The following USP33 variants were observed in gnomAD, a reference collection of about 807,000 sequenced individuals.
The protein encoded by USP33 is ubiquitin specific peptidase 33, also known as ubiquitin carboxyl-terminal hydrolase 33.
In USP33, 46 loss-of-function variants were observed where a neutral mutation model predicts 124.2. The ratio of observed to expected loss-of-function variants is 0.37; its 90% CI spans 0.29 to 0.47. The LOEUF (loss-of-function observed/expected upper bound fraction) is 0.47, where lower values mean the gene tolerates loss of function less well. USP33 is among the 20% of genes least tolerant of loss of function. The pLI is 0.99. For missense variants in USP33, 851 were observed against 1,070.6 expected, an observed-to-expected ratio of 0.79 and a Z score of 2.86; for synonymous variants, 350 against 352.3, an observed-to-expected ratio of 0.99 and a Z score of 0.07.
intron 16 of USP33, among the ~76,000 whole-genome samples, chr1:77,718,262 T>C (rs2101345902): frequency 6.6e-6 from 1 of 152,326 alleles, no homozygotes; most frequent in South Asian, 2.1e-4. Flanking sequence ...TAAGTATTGA[T>C]CTGCAATTAT....
intron 10 of USP33, among the ~76,000 whole-genome samples, chr1:77,728,031 C>T (rs1441861040): frequency 6.6e-6 from 1 of 152,068 alleles, no homozygotes; most frequent in Non-Finnish European, 1.5e-5. Context: ...TTCTGGGGAG[C>T]CCAATTTTTT....
chr1:77,737,537 T>C (rs1277087180), intron 5 of USP33, among the ~76,000 whole-genome samples: 1 of 152,216 alleles, frequency 6.6e-6, no homozygotes, highest in African/African-American at 2.4e-5. Flanking sequence ...GTAAACTGGA[T>C]TTCAACAGCA....
At chr1:77,711,556 C>G in intron 21 of USP33, 191 bp downstream of exon 21, 1 of 858,278 alleles carries the variant, frequency 1.2e-6, no homozygotes, top group Non-Finnish European at 1.7e-6. Flanking sequence ...CACACACACA[C>G]ACACAAAGGG....
rs1325637428 is a variant in USP33 at position 77,710,059 on chromosome 1, G to T, written c.2406+1688C>A. ...ATGAGAAACTTGGTACTCATTACAC[G>T]TATGTCTTGATCATTTTCCCATATG... On this transcript the variant is annotated intron_variant, in intron 21 of 23. Transcript: ENST00000370794. 5.9e-5 allele frequency among the ~76,000 whole-genome samples: 9 copies of T among 152,170 alleles called. No individual in the cohort carries two copies. In the East Asian group the frequency reaches 1.7e-3, roughly 29 times the overall value.
At chr1:77,744,081 G>A (rs948134851) in intron 1 of USP33, among the ~76,000 whole-genome samples, 5 of 149,312 alleles carry the variant, frequency 3.3e-5, no homozygotes, top group African/African-American at 5.0e-5. Flanking sequence ...CTGAGATCGC[G>A]CCACTGCAAT....
chr1:77,722,655 T>C (rs1259566720), intron 12 of USP33, among the ~76,000 whole-genome samples: 2 of 152,196 alleles, frequency 1.3e-5, no homozygotes, highest in East Asian at 1.9e-4. Flanking sequence ...AAATATTTAG[T>C]ACCAAAATAA....
At chr1:77,749,596 G>A (rs1448216075) in intron 1 of USP33, among the ~76,000 whole-genome samples, 2 of 152,156 alleles carry the variant, frequency 1.3e-5, no homozygotes, top group Non-Finnish European at 2.9e-5. Context: ...TGGCCAGGCT[G>A]ATCTCAAACT....
At chr1:77,759,404 C>A (rs1301074696) in intron 1 of USP33, 2 of 393,384 alleles carry the variant, frequency 5.1e-6, no homozygotes, top group Non-Finnish European at 4.5e-6. Flanking sequence ...AATCAACGAC[C>A]GGTTCCCATC....
chr1:77,714,601 C>G lies in USP33; in HGVS notation c.2215+13G>C. On this transcript the variant is annotated intron_variant, in intron 19 of 23. Coordinates refer to ENST00000370794, the MANE Select transcript of USP33 (RefSeq NM_201624.3). Reference sequence around the variant, plus strand: ...AAACTTCTACTACCGGTTTGCATTACAGGAGTTCTTACCTCCATGAATACA... The same window carrying G: ...AAACTTCTACTACCGGTTTGCATTAGAGGAGTTCTTACCTCCATGAATACA... The G allele has an allele frequency of 6.2e-7, 1 of 1,607,370 alleles. No homozygotes were observed. The highest frequency in any genetic ancestry group is 8.5e-7 in the Non-Finnish European group (1 of 1,178,166).
At chr1:77,700,317 A>G (rs2101158676) in intron 22 of USP33, among the ~76,000 whole-genome samples, 1 of 152,284 alleles carries the variant, frequency 6.6e-6, no homozygotes, top group Non-Finnish European at 1.5e-5. Context: ...CAGGAGTTTG[A>G]GGCCAGCCTG....
rs765950842 is a variant in USP33, at chr1:77,715,786, T to C, written c.2001A>G (p.Ser667=). 2.5e-6 allele frequency: 4 copies of C among 1,613,952 alleles called. No homozygotes were observed. Among genetic ancestry groups the C allele is most frequent in the Non-Finnish European group, 2.5e-6 (3 of 1,179,998 alleles). ...EFDDQSVTEV[S]ESTVQNAEAY... ...CTTCTGCATTTTGTACAGTAGATTC[T>C]GAAACTTCAGTGACACTCTGATCAT... is the stretch of plus-strand genomic sequence containing the variant. The change falls in exon 18 of 24, where the codon TCA becomes TCG. Residue 667 remains serine (S), a synonymous_variant. Coordinates refer to ENST00000370794, the MANE Select transcript of USP33 (RefSeq NM_201624.3).
intron 5 of USP33, among the ~76,000 whole-genome samples, chr1:77,738,281 C>T (rs1344200918): frequency 6.6e-6 from 1 of 152,150 alleles, no homozygotes; most frequent in African/African-American, 2.4e-5. Context: ...CTATAACACA[C>T]ATGAGGAAAA....
chr1:77,754,278 C>A (rs565301327), intron 1 of USP33, among the ~76,000 whole-genome samples: 5 of 152,202 alleles, frequency 3.3e-5, no homozygotes, highest in Non-Finnish European at 5.9e-5. Flanking sequence ...GAGTACTAGT[C>A]CAGCAGTACC....
intron 10 of USP33, among the ~76,000 whole-genome samples, 172 bp from the exon 11 acceptor site, chr1:77,725,934 G>A (rs1468193523): frequency 6.6e-6 from 1 of 152,068 alleles, no homozygotes; most frequent in Non-Finnish European, 1.5e-5. Flanking sequence ...CTTCTACCCA[G>A]AAATCCAACT....
intron 1 of USP33, among the ~76,000 whole-genome samples, chr1:77,753,441 T>A (rs899692772): frequency 2.6e-5 from 4 of 151,108 alleles, no homozygotes; most frequent in East Asian, 1.9e-4. Context: ...AAAAAAAAAA[T>A]AATAATTTTT....
At chr1:77,705,201 AT>A (rs1000619216) in intron 21 of USP33, among the ~76,000 whole-genome samples, 41 of 143,294 alleles carry the variant, frequency 2.9e-4, no homozygotes, top group Non-Finnish European at 2.6e-4. Context: ...TTTATTTTTT[AT>A]TTTTTTTTTT....
chr1:77,752,060 C>A (rs1680391636), intron 1 of USP33, among the ~76,000 whole-genome samples: 1 of 152,014 alleles, frequency 6.6e-6, no homozygotes, highest in Admixed American at 6.6e-5. Context: ...ATTCTGACCC[C>A]TTATCCTAAT....
At chr1:77,739,560 A>T in intron 4 of USP33, 143 bp from the exon 5 acceptor site, 1 of 757,094 alleles carries the variant, frequency 1.3e-6, no homozygotes, top group Admixed American at 3.6e-5. Flanking sequence ...CATGAAAAAA[A>T]TTCTTTAGAT....
At chr1:77,754,154 G>A (rs1174645942) in intron 1 of USP33, among the ~76,000 whole-genome samples, 1 of 152,124 alleles carries the variant, frequency 6.6e-6, no homozygotes, top group Non-Finnish European at 1.5e-5. Flanking sequence ...TGTCAGAGGT[G>A]CTTCAAAGGA....
Sources: gnomAD v4.1 joint callset for allele counts (sites outside exome capture counted in the v4.1 genomes callset) on GRCh38, gnomAD v4.1.1 for gene constraint, MANE v1.5 for transcripts, NCBI Gene and HGNC (gene_info 2026-07-23, HGNC 2026-07-21) for gene names.